Variants in HSPG2 observed in about 807,000 individuals in gnomAD.
HSPG2 encodes the protein basement membrane-specific heparan sulfate proteoglycan core protein.
A neutral mutation model predicts 526.6 loss-of-function variants in HSPG2; 278 were observed. That is an observed-to-expected ratio of 0.53 (90% CI 0.48 to 0.58). HSPG2 has a LOEUF of 0.58. Ranked by LOEUF, HSPG2 falls within the 20% of genes least tolerant of loss-of-function variation. The pLI, the probability that HSPG2 is intolerant of heterozygous loss-of-function variation, is 0.00. For synonymous variants in HSPG2, 2,465 were observed against 2,555.4 expected (o/e 0.96, Z 1.07); for missense variants, 5,354 against 6,099.5 (o/e 0.88, Z 4.07).
At chr1:21,869,756 C>A in intron 33 of HSPG2, 1 of 983,868 alleles carries the variant, frequency 1.0e-6, no homozygotes, top group Non-Finnish European at 1.2e-6. Flanking sequence ...GCCCAGCCAG[C>A]CACCCGCTCT....
intron 55 of HSPG2, chr1:21,851,271 C>A (rs1381123972): frequency 3.9e-6 from 2 of 513,244 alleles, no homozygotes; most frequent in Non-Finnish European, 7.0e-6. Context: ...CCGTGCCCGG[C>A]TGGTACGTAC....
chr1:21,878,997 C>A lies in HSPG2; in HGVS notation c.2468G>T (p.Arg823Leu), dbSNP rs137871979. 1 of 1,613,604 alleles carries A rather than the reference C, an allele frequency of 6.2e-7. No homozygotes were observed. The highest frequency in any genetic ancestry group is 2.2e-5 in the East Asian group (1 of 44,872). The change falls in exon 18 of 97, where the codon CGC becomes CTC. Residue 823 changes from arginine to leucine, a missense_variant. Physicochemically the swap from Arg to Leu is moderately radical, Grantham distance 102. Coordinates refer to ENST00000374695, the MANE Select transcript of HSPG2 (RefSeq NM_005529.7). ...CTGACCCGGAGCTGGGGCTGACCTG[C>A]GGGAGGCATCGATGTATGGGCAAGG... is the stretch of plus-strand genomic sequence containing the variant. ...PCPCPYIDAS[R>L]RFSDTCFLDT...
Position 21,890,401 on chromosome 1 carries a change from G to C in HSPG2, c.413+26C>G, listed in dbSNP as rs748340342. 1 of 1,610,852 alleles carries C rather than the reference G, an allele frequency of 6.2e-7. No homozygotes were observed. Among genetic ancestry groups the C allele is most frequent in the South Asian group, 1.1e-5 (1 of 90,988 alleles). ...CCAGGTTACCCGCTCAAGTCCCCCA[G>C]CAGCCCCCAGGGAGCCCCTTCTCAC... On this transcript the variant is annotated intron_variant, in intron 5 of 96. Transcript: ENST00000374695. This position sits in a 1 kb window ranked among gnomAD's most constrained non-coding sequence, Gnocchi z 4.1.
chr1:21,834,075 G>T, intron 77 of HSPG2, 150 bp from the exon 78 acceptor site: 1 of 722,056 alleles, frequency 1.4e-6, no homozygotes, highest in Non-Finnish European at 2.5e-6. Context: ...GCTCAGAGGG[G>T]AAAAGCGGCT....
chr1:21,925,882 T>A (rs184361036), intron 1 of HSPG2, among the ~76,000 whole-genome samples: 155 of 152,204 alleles, frequency 1.0e-3, no homozygotes, highest in East Asian at 8.9e-3. Context: ...TTTTATTTTT[T>A]TTTTTGAGAC....
chr1:21,889,626 C>T (rs1039830065), intron 6 of HSPG2, among the ~76,000 whole-genome samples: 4 of 150,740 alleles, frequency 2.7e-5, no homozygotes, highest in Non-Finnish European at 5.9e-5. Flanking sequence ...AAGACTGACC[C>T]GGAGGCTGGA....
intron 55 of HSPG2, chr1:21,851,201 G>A (rs1272225117): frequency 2.0e-5 from 7 of 348,084 alleles, no homozygotes; most frequent in East Asian, 7.2e-5. Flanking sequence ...TCGAACTCCC[G>A]ACCTCAGGCG....
At chr1:21,843,492 C>G in intron 65 of HSPG2, 54 bp from the exon 66 acceptor site, 1 of 1,569,574 alleles carries the variant, frequency 6.4e-7, no homozygotes, top group South Asian at 1.2e-5. Flanking sequence ...TTCAGATGCC[C>G]AGGCCTCTGG....
chr1:21,846,192 G>A lies in HSPG2; in HGVS notation c.8380C>T (p.Arg2794Trp), dbSNP rs755487807. 80 of 1,612,974 alleles carry A rather than the reference G, an allele frequency of 5.0e-5. No homozygotes were observed. The highest frequency in any genetic ancestry group is 9.9e-5 in the South Asian group (9 of 91,088). Residue 2794 changes from arginine (R) to tryptophan (W), a missense_variant, in exon 64 of 97, where the codon CGG becomes TGG. Transcript: ENST00000374695. Reference protein sequence around the residue: ...SPADSGEYVCRVMGSSGPLEA... With the variant: ...SPADSGEYVCWVMGSSGPLEA... ...AGGGGGCCAGAGCTGCCCATCACCC[G>A]GCACACGTATTCACCCGAGTCGGCC...
Position 21,829,550 on chromosome 1 carries a change from G to C in HSPG2, c.11825C>G (p.Pro3942Arg), listed in dbSNP as rs1295207701. 2 of 1,612,208 alleles carry C rather than the reference G, an allele frequency of 1.2e-6. No individual in the cohort carries two copies. Among genetic ancestry groups the C allele is most frequent in the Non-Finnish European group, 1.7e-6 (2 of 1,179,290 alleles). Residue 3942 changes from proline to arginine, a missense_variant, in exon 87 of 97, where the codon CCC becomes CGC. Coordinates refer to ENST00000374695, the MANE Select transcript of HSPG2 (RefSeq NM_005529.7). ...CTCGTGGTGTGTGTTGGTGAGGGCG[G>C]GCAGTGCCAGGTAGGAGCCAGCACC... ...LSGAGSYLAL[P>R]ALTNTHHELR...
rs767980671 is a variant in HSPG2 at position 21,862,059 on chromosome 1, G to C, written c.4797C>G (p.Tyr1599Ter). The C allele has an allele frequency of 6.2e-7, 1 of 1,614,084 alleles. No individual in the cohort carries two copies. Among genetic ancestry groups the C allele is most frequent in the Non-Finnish European group, 8.5e-7 (1 of 1,180,030 alleles). Residue 1599 changes from tyrosine (Y) to a stop codon, truncating the protein, a stop_gained, in exon 38 of 97, where the codon TAC becomes TAG. Transcript: ENST00000374695. LOFTEE classifies it high-confidence loss of function. Reference protein sequence around the residue: ...EFCELCAPGYYGDATAGTPED... With the variant: ...EFCELCAPGY ...CAGGCGTCCCGGCTGTGGCATCTCC[G>C]TAGTAGCCAGGGGCACAAAGCTCGC... is the stretch of plus-strand genomic sequence containing the variant.
rs148191526 is a variant in HSPG2 at position 21,834,883 on chromosome 1, C to T, written c.10516G>A (p.Val3506Met). 7.9e-5 allele frequency: 128 copies of T among 1,613,464 alleles called. No homozygotes were observed. The highest frequency in any genetic ancestry group is 2.2e-4 in the South Asian group (20 of 91,078). The part of the protein sequence containing the change: ...SVQTVVVGHA[V>M]EFECLALGDP... ...CCCAGTGCCAGGCATTCGAACTCCA[C>T]GGCGTGGCCAACCACCACGGTCTGC... Residue 3506 changes from valine (V) to methionine (M), a missense_variant, in exon 77 of 97, where the codon GTG becomes ATG. Transcript: ENST00000374695.
rs1212005059 is a variant in HSPG2 at position 21,916,902 on chromosome 1, G to C, written c.63+20253C>G. 2.0e-5 allele frequency among the ~76,000 whole-genome samples: 3 copies of C among 152,212 alleles called. No individual in the cohort carries two copies. The East Asian group carries it at 5.8e-4, about 29-fold the overall frequency. On this transcript the variant is annotated intron_variant, in intron 1 of 96. Coordinates refer to ENST00000374695, the MANE Select transcript of HSPG2 (RefSeq NM_005529.7). Reference sequence around the variant, plus strand: ...CAAGGCTGCACAGCTGTAGGCTGCAGAGGCAAAATCGGAACCAGGCCTGGC... The same window carrying C: ...CAAGGCTGCACAGCTGTAGGCTGCACAGGCAAAATCGGAACCAGGCCTGGC...
Position 21,841,998 on chromosome 1 carries a change from T to A in HSPG2, c.9193+4A>T, listed in dbSNP as rs1375455176. The stretch of plus-strand genomic sequence containing the variant: ...TTGCCCACCTGCCCACCAGCCTGGC[T>A]CACCCTCCAGCTCCTGGTTCCGGGT... On this transcript the variant is annotated splice_donor_region_variant and intron_variant, in intron 69 of 96. Transcript: ENST00000374695. 14 of 1,613,140 alleles carry A rather than the reference T, an allele frequency of 8.7e-6. No homozygotes were observed. The highest frequency in any genetic ancestry group is 1.1e-5 in the Non-Finnish European group (13 of 1,179,998).
intron 77 of HSPG2, 37 bp downstream of exon 77, chr1:21,834,642 T>G: frequency 1.2e-6 from 2 of 1,612,332 alleles, no homozygotes; most frequent in South Asian, 2.2e-5. Context: ...CCTGCCCCAC[T>G]CACTGTCCCC....
At position 21,887,085 on chromosome 1, in the gene HSPG2, CA is replaced by C; in HGVS notation, c.1078+129del. On this transcript the variant is annotated intron_variant, in intron 9 of 96. Transcript: ENST00000374695. The surrounding 1 kb of genome is among the most constrained non-coding windows in gnomAD (Gnocchi z 5.0). ...CACTCAGCCAGGGAGAGCAAACAAA[CA>C]GGCTTGGGGGACTGGGGAGGGGGGA... 1 of 1,001,444 alleles carries C rather than the reference CA, an allele frequency of 1.0e-6. No homozygotes were observed. The highest frequency in any genetic ancestry group is 1.4e-6 in the Non-Finnish European group (1 of 693,114). The allele number at this position is 1,001,444 out of a possible 1,614,324, so 62.0% of individuals were successfully genotyped here. A position where few individuals can be genotyped will look rare whatever the true frequency, so the allele number is the denominator to read the frequency against.
intron 33 of HSPG2, among the ~76,000 whole-genome samples, chr1:21,871,447 A>G (rs7528670): frequency 0.23 from 34,962 of 151,766 alleles, 4,809 homozygotes; most frequent in East Asian, 0.55. Flanking sequence ...CTTTTTGTAG[A>G]GACGGGGTTT....
At chr1:21,874,111 A>C (rs1367204024) in intron 28 of HSPG2, 100 bp from the exon 29 acceptor site, 9 of 997,500 alleles carry the variant, frequency 9.0e-6, no homozygotes, top group Middle Eastern at 2.2e-4. Flanking sequence ...AAGAACAGGC[A>C]TGTGAACTCA....
At chr1:21,826,840 T>C (rs538636237) in intron 91 of HSPG2, among the ~76,000 whole-genome samples, 30 of 152,292 alleles carry the variant, frequency 2.0e-4, no homozygotes, top group African/African-American at 7.2e-4. Flanking sequence ...CAGCTAACAT[T>C]CTGTACTGAC....
Sources: gnomAD v4.1 joint callset for allele counts (sites outside exome capture counted in the v4.1 genomes callset) on GRCh38, gnomAD v4.1.1 for gene constraint, Gnocchi (gnomAD v3.1) non-coding constraint, MANE v1.5 for transcripts, NCBI Gene and HGNC (gene_info 2026-07-23, HGNC 2026-07-21) for gene names.